PREP: variants seen among roughly 807,000 people sequenced by gnomAD.
PREP encodes dJ355L5.1 (prolyl endopeptidase).
Under a neutral mutation model 87.6 loss-of-function variants are expected in PREP, and 29 were observed. The ratio of observed to expected loss-of-function variants is 0.33; its 90% CI spans 0.25 to 0.45. PREP has a LOEUF of 0.45. Among genes scored for constraint, PREP ranks in the 20% least tolerant of loss-of-function variants. The pLI is 1.00. For missense variants in PREP, 695 were observed against 886.5 expected (o/e 0.78, Z 2.74); for synonymous variants, 337 against 328.6 (o/e 1.03, Z -0.28).
rs758907330 is a variant in PREP at position 105,376,275 on chromosome 6, T to C, written c.255-20A>G. 2.5e-6 allele frequency: 4 copies of C among 1,608,330 alleles called. No individual in the cohort carries two copies. In the East Asian group the frequency reaches 8.9e-5, roughly 36 times the overall value. On this transcript the variant is annotated intron_variant, in intron 3 of 14. Transcript: ENST00000652536. ...AAATACCTGGGGAACAGAGATGGTC[T>C]TTATTCAGCTGTGGAGTTTTCTATT...
rs59538588 is a variant in PREP, at chr6:105,391,034, T to TACACACACACACACAC, written c.120+6803_120+6818dup. Among the ~76,000 whole-genome samples, 671 of 141,366 alleles carry TACACACACACACACAC rather than the reference T, an allele frequency of 4.7e-3. 8 individuals carry two copies. The highest frequency in any genetic ancestry group is 0.018 in the African/African-American group (648 of 36,088). 92.7% of individuals were successfully genotyped at this position (141,366 alleles called of 152,430 possible). A position where few individuals can be genotyped will look rare whatever the true frequency, so the allele number is the denominator to read the frequency against. On this transcript the variant is annotated intron_variant, in intron 2 of 14. Transcript: ENST00000652536. ...TGATTTATCTAAGTCTCTGGTTTTA[T>TACACACACACACACAC]ACACACACACACACACACACACACA...
intron 6 of PREP, among the ~76,000 whole-genome samples, chr6:105,368,416 T>A (rs1772450418): frequency 6.6e-6 from 1 of 152,084 alleles, no homozygotes; most frequent in Non-Finnish European, 1.5e-5. Flanking sequence ...AAGGAATATA[T>A]GAATATTGAT....
intron 10 of PREP, among the ~76,000 whole-genome samples, chr6:105,320,750 C>A (rs1017859077): frequency 1.3e-5 from 2 of 152,054 alleles, no homozygotes; most frequent in Admixed American, 6.6e-5. Flanking sequence ...AAATACAAAC[C>A]CCAGGGTCAA....
intron 9 of PREP, among the ~76,000 whole-genome samples, chr6:105,328,318 C>T (rs1181696519): frequency 6.6e-6 from 1 of 151,106 alleles, no homozygotes; most frequent in South Asian, 2.1e-4. Context: ...AGTGCAGTGG[C>T]GCGATCTCGG....
chr6:105,285,844 T>C (rs1439742177), intron 11 of PREP, among the ~76,000 whole-genome samples: 1 of 152,210 alleles, frequency 6.6e-6, no homozygotes, highest in Non-Finnish European at 1.5e-5. Context: ...GACACAATCA[T>C]GGCTCACTGC....
intron 7 of PREP, among the ~76,000 whole-genome samples, chr6:105,344,671 G>A (rs1771751270): frequency 6.6e-6 from 1 of 151,900 alleles, no homozygotes; most frequent in African/African-American, 2.4e-5. Flanking sequence ...CACACACCAG[G>A]GCCTGTCGTG....
intron 7 of PREP, among the ~76,000 whole-genome samples, chr6:105,338,701 T>C (rs1361788065): frequency 6.6e-6 from 1 of 152,170 alleles, no homozygotes; most frequent in Non-Finnish European, 1.5e-5. Context: ...ATACTGCACT[T>C]TTCCAACGGT....
At chr6:105,362,236 G>A (rs1261967458) in intron 6 of PREP, among the ~76,000 whole-genome samples, 2 of 152,174 alleles carry the variant, frequency 1.3e-5, no homozygotes, top group African/African-American at 4.8e-5. Context: ...CGAGGCAGCC[G>A]AATCATTTGA....
chr6:105,394,444 T>C lies in PREP; in HGVS notation c.120+3409A>G, dbSNP rs866064973. On this transcript the variant is annotated intron_variant, in intron 2 of 14. Transcript: ENST00000652536. Reference sequence around the variant, plus strand: ...AAACCTAAGGGAAATAGCTGAAAACTTATTCAAATCTGTGAGTTCAAAAAA... The same window carrying C: ...AAACCTAAGGGAAATAGCTGAAAACCTATTCAAATCTGTGAGTTCAAAAAA... 3.9e-5 allele frequency among the ~76,000 whole-genome samples: 6 copies of C among 152,152 alleles called. No individual in the cohort carries two copies. The South Asian group carries it at 8.3e-4, about 21-fold the overall frequency.
At chr6:105,344,258 G>A (rs1389195715) in intron 7 of PREP, among the ~76,000 whole-genome samples, 8 of 152,242 alleles carry the variant, frequency 5.3e-5, no homozygotes, top group Non-Finnish European at 1.2e-4. Context: ...TGGGGAGGCC[G>A]AGGCAGGCGG....
chr6:105,334,076 T>C (rs1411302633), intron 7 of PREP, among the ~76,000 whole-genome samples: 3 of 152,228 alleles, frequency 2.0e-5, no homozygotes, highest in Non-Finnish European at 2.9e-5. Context: ...TGAGAATTCT[T>C]GGTCTATAGC....
intron 8 of PREP, among the ~76,000 whole-genome samples, chr6:105,329,308 A>G (rs1015136271): frequency 2.6e-5 from 4 of 152,072 alleles, no homozygotes; most frequent in African/African-American, 9.7e-5. Context: ...GTGTGCCACC[A>G]TGCCTGGCTA....
intron 3 of PREP, 124 bp from the exon 4 acceptor site, chr6:105,376,379 C>T: frequency 8.8e-7 from 1 of 1,141,698 alleles, no homozygotes; most frequent in Non-Finnish European, 1.2e-6. Flanking sequence ...GTAATCTGGC[C>T]ATCGCAGGGA....
In PREP at chr6:105,323,681, T is replaced by G; in HGVS notation, c.1301A>C (p.Asp434Ala). 6.2e-7 allele frequency: 1 copy of G among 1,611,084 alleles called. No homozygotes were observed. The highest frequency in any genetic ancestry group is 8.5e-7 in the Non-Finnish European group (1 of 1,177,226). The stretch of plus-strand genomic sequence containing the variant: ...TCTCCATACCTGGACTGTCTGGTAA[T>G]CAGAAGCATCAATTCCTTTTACGGT... ...EVTVKGIDASDYQTVQIFYPS... is the reference protein window; with the variant it reads ...EVTVKGIDASAYQTVQIFYPS... The change falls in exon 10 of 15, where the codon GAT (aspartate) becomes GCT (alanine). Residue 434 changes from aspartate (D) to alanine (A), a missense_variant. This residue lies in a region of PREP where 517 missense variants were observed against 620.3 expected (regional missense o/e 0.83). Transcript: ENST00000652536.
At chr6:105,393,531 G>T (rs559561691) in intron 2 of PREP, among the ~76,000 whole-genome samples, 1 of 152,060 alleles carries the variant, frequency 6.6e-6, no homozygotes, top group Non-Finnish European at 1.5e-5. Flanking sequence ...CAAATCTAAC[G>T]CTGATATGAA....
At chr6:105,290,632 A>C (rs950733639) in intron 10 of PREP, among the ~76,000 whole-genome samples, 2 of 152,082 alleles carry the variant, frequency 1.3e-5, no homozygotes, top group Non-Finnish European at 2.9e-5. Flanking sequence ...TGACAATTCA[A>C]CTTCCTCCTC....
rs80346818 is a variant in PREP at position 105,323,870 on chromosome 6, G to C, written c.1214-102C>G. ...CCAAATGCCAGCAATGGCAAGAGAG[G>C]ATCATTTATCAGGGACTTGGTTAAT... On this transcript the variant is annotated intron_variant, in intron 9 of 14. Transcript: ENST00000652536. 11,832 of 988,666 alleles carry C rather than the reference G, an allele frequency of 0.012. 796 individuals are homozygous for C. In the East Asian group the frequency reaches 0.18, roughly 15 times the overall value. The allele number at this position is 988,666 out of a possible 1,614,324, so 61.2% of individuals were successfully genotyped here.
intron 2 of PREP, among the ~76,000 whole-genome samples, chr6:105,396,626 A>C (rs1043552821): frequency 3.9e-5 from 6 of 152,092 alleles, no homozygotes. Context: ...TGCAAGAAAC[A>C]GGCGGAGTTA....
intron 4 of PREP, among the ~76,000 whole-genome samples, chr6:105,375,219 T>A (rs1032153467): frequency 2.0e-5 from 3 of 151,988 alleles, no homozygotes; most frequent in Non-Finnish European, 4.4e-5. Flanking sequence ...TAAAAAAGGG[T>A]CTTTGCACAG....
Sources: allele counts gnomAD v4.1 joint callset (sites outside exome capture counted in the v4.1 genomes callset), GRCh38; gene constraint gnomAD v4.1.1; regional missense constraint gnomAD v4.1.1; transcripts MANE v1.5; gene names NCBI Gene and HGNC (gene_info 2026-07-23, HGNC 2026-07-21).